C12orf56: variants seen among roughly 807,000 people sequenced by gnomAD.
C12orf56 encodes the protein chromosome 12 open reading frame 56.
Under a neutral mutation model 69.9 loss-of-function variants are expected in C12orf56, and 71 were observed. The observed-to-expected ratio is 1.02, with a 90% confidence interval of 0.84 to 1.24. The LOEUF (loss-of-function observed/expected upper bound fraction) is 1.24. C12orf56 is among the 50% of genes most tolerant of loss of function. The pLI is 0.00. For missense variants in C12orf56, 732 were observed against 738.5 expected (o/e 0.99, Z 0.10); for synonymous variants, 276 against 274.1 (o/e 1.01, Z -0.07).
At chr12:64,336,269 G>C (rs2038995587) in intron 2 of C12orf56, among the ~76,000 whole-genome samples, 1 of 152,204 alleles carries the variant, frequency 6.6e-6, no homozygotes, top group Non-Finnish European at 1.5e-5. Flanking sequence ...CCACGCCCAA[G>C]TGTCAGATGG....
At chr12:64,268,266 C>T (rs2037939254) in intron 12 of C12orf56, among the ~76,000 whole-genome samples, 1 of 152,126 alleles carries the variant, frequency 6.6e-6, no homozygotes, top group South Asian at 2.1e-4. Context: ...CTAAACAGTA[C>T]ATGATGCACC....
rs534466205 is a variant in C12orf56 at position 64,358,186 on chromosome 12, G to A, written c.253-5130C>T. Among the ~76,000 whole-genome samples the A allele has an allele frequency of 5.9e-5, 9 of 152,032 alleles. No individual in the cohort carries two copies. The South Asian group carries it at 1.7e-3, about 28-fold the overall frequency. On this transcript the variant is annotated intron_variant, in intron 1 of 12. Coordinates refer to ENST00000543942, the MANE Select transcript of C12orf56 (RefSeq NM_001170633.2). ...TTAGAAATCATAATCTCGGCTGGGC[G>A]CAGTGGCTCATACCTATAATCCCAA...
chr12:64,319,139 C>G (rs979322595), intron 3 of C12orf56, 159 bp from the exon 4 acceptor site: 4 of 623,432 alleles, frequency 6.4e-6, no homozygotes, highest in African/African-American at 1.8e-5. Flanking sequence ...AACCCATTGA[C>G]TAGAGGAGAT....
intron 1 of C12orf56, among the ~76,000 whole-genome samples, chr12:64,357,458 G>A (rs2039333435): frequency 2.6e-5 from 4 of 151,230 alleles, no homozygotes. Flanking sequence ...TGTAGCCAAG[G>A]CTGGAGTGCA....
At chr12:64,304,801 A>G (rs1416446287) in intron 5 of C12orf56, among the ~76,000 whole-genome samples, 1 of 152,176 alleles carries the variant, frequency 6.6e-6, no homozygotes, top group East Asian at 1.9e-4. Context: ...GGGAATTACT[A>G]ACGCATTTTA....
Position 64,267,277 on chromosome 12 carries a change from T to C in C12orf56, c.1775A>G (p.His592Arg). ...NYREEFRYFI[H>R]MPALQKRLPL... Reference sequence around the variant, plus strand: ...GAGCCTTTTCTGCAAGGCTGGCATGTGAATAAAGTACCTGCAAATCATAAA... The same window carrying C: ...GAGCCTTTTCTGCAAGGCTGGCATGCGAATAAAGTACCTGCAAATCATAAA... Residue 592 changes from histidine to arginine, a missense_variant, in exon 13 of 13, where the codon CAC becomes CGC. His to Arg is a conservative substitution (Grantham distance 29). Coordinates refer to ENST00000543942, the MANE Select transcript of C12orf56 (RefSeq NM_001170633.2). 2 of 1,608,148 alleles carry C rather than the reference T, an allele frequency of 1.2e-6. No homozygotes were observed. The highest frequency in any genetic ancestry group is 2.2e-5 in the East Asian group (1 of 44,830).
At chr12:64,338,763 G>GCTT (rs1424192122) in intron 2 of C12orf56, 2 of 1,418,796 alleles carry the variant, frequency 1.4e-6, no homozygotes, top group African/African-American at 2.8e-5. Context: ...TGCTTTATCT[G>GCTT]CTTTTGCATG....
At chr12:64,271,187 G>A (rs2136742215) in intron 11 of C12orf56, among the ~76,000 whole-genome samples, 1 of 151,014 alleles carries the variant, frequency 6.6e-6, no homozygotes, top group South Asian at 2.1e-4. Flanking sequence ...AAGAGGCCAG[G>A]TCGGGCACTG....
At chr12:64,299,292 G>A (rs1164124984) in intron 6 of C12orf56, among the ~76,000 whole-genome samples, 4 of 152,062 alleles carry the variant, frequency 2.6e-5, no homozygotes, top group Admixed American at 6.6e-5. Context: ...GGGCTGAGAC[G>A]GTGAGGTTTT....
In C12orf56 at chr12:64,361,150, C is replaced by G. The variant is rs371765554; in HGVS notation, c.253-8094G>C. 4.6e-5 allele frequency among the ~76,000 whole-genome samples: 7 copies of G among 152,234 alleles called. No homozygotes were observed. In the East Asian group the frequency reaches 1.2e-3, roughly 25 times the overall value. On this transcript the variant is annotated intron_variant, in intron 1 of 12. Transcript: ENST00000543942. ...AGGAGAATCGCTTGAACCCGGGAGG[C>G]AGAGACTGCAGTGAACTGAGATTGC...
rs548490082 is a variant in C12orf56, at chr12:64,306,670, C to T, written c.969-2891G>A. The stretch of plus-strand genomic sequence containing the variant: ...AGGCGTGAGCCACTACTCCCAGCCG[C>T]AGGAAAGATTCTTAATCTAATAACA... On this transcript the variant is annotated intron_variant, in intron 5 of 12. Coordinates refer to ENST00000543942, the MANE Select transcript of C12orf56 (RefSeq NM_001170633.2). Among the ~76,000 whole-genome samples, 3 of 152,224 alleles carry T rather than the reference C, an allele frequency of 2.0e-5. No individual in the cohort carries two copies. In the South Asian group the frequency reaches 6.2e-4, roughly 32 times the overall value.
At chr12:64,305,900 A>G (rs1006630875) in intron 5 of C12orf56, among the ~76,000 whole-genome samples, 5 of 152,234 alleles carry the variant, frequency 3.3e-5, no homozygotes, top group Non-Finnish European at 7.3e-5. Flanking sequence ...AAGAGCTTAG[A>G]AAAGCAAAAG....
At chr12:64,353,643 A>AT (rs1328538951) in intron 1 of C12orf56, among the ~76,000 whole-genome samples, 2 of 152,136 alleles carry the variant, frequency 1.3e-5, no homozygotes, top group Non-Finnish European at 2.9e-5. Flanking sequence ...TTGTTACAGT[A>AT]TTTGTTAAAG....
chr12:64,371,593 G>A (rs188854225), intron 1 of C12orf56, among the ~76,000 whole-genome samples: 2 of 152,030 alleles, frequency 1.3e-5, no homozygotes, highest in African/African-American at 4.8e-5. Context: ...CACTTTGGGA[G>A]GCCGAGGCAG....
In C12orf56 at chr12:64,270,724, G is replaced by A. The variant is rs780212543; in HGVS notation, c.1585-10C>T. The A allele has an allele frequency of 1.0e-5, 16 of 1,593,622 alleles. No homozygotes were observed. The South Asian group carries it at 1.5e-4, about 15-fold the overall frequency. On this transcript the variant is annotated splice_polypyrimidine_tract_variant and intron_variant, in intron 11 of 12. Coordinates refer to ENST00000543942, the MANE Select transcript of C12orf56 (RefSeq NM_001170633.2). Reference sequence around the variant, plus strand: ...TGGCCACAAAAGTAATCTAGACAAGGAAAATACAGTTACATGTAGGCTGTG... The same window carrying A: ...TGGCCACAAAAGTAATCTAGACAAGAAAAATACAGTTACATGTAGGCTGTG...
chr12:64,373,823 G>A (rs147676411), intron 1 of C12orf56, among the ~76,000 whole-genome samples: 3 of 152,006 alleles, frequency 2.0e-5, no homozygotes, highest in African/African-American at 4.8e-5. Flanking sequence ...TAATCTTCTC[G>A]TTCATGTTCT....
At chr12:64,379,258 T>C (rs1399319265) in intron 1 of C12orf56, among the ~76,000 whole-genome samples, 1 of 152,084 alleles carries the variant, frequency 6.6e-6, no homozygotes, top group South Asian at 2.1e-4. Context: ...CCTGCCTTCA[T>C]GAAGCTTCTT....
rs2037926561 is a variant in C12orf56, at chr12:64,267,099, A to T, written c.*84T>A. ...TCAGAGATAGCCAGATATTAAACAA[A>T]TAAAAAAATGTTTCTCGTGAATATC... is the stretch of plus-strand genomic sequence containing the variant. On this transcript the variant is annotated 3_prime_UTR_variant, in exon 13 of 13. Coordinates refer to ENST00000543942, the MANE Select transcript of C12orf56 (RefSeq NM_001170633.2). The T allele has an allele frequency of 9.5e-7, 1 of 1,047,452 alleles. No homozygotes were observed. 64.9% of individuals were successfully genotyped at this position (1,047,452 alleles called of 1,614,324 possible).
chr12:64,274,726 T>C (rs1384636804), intron 11 of C12orf56, among the ~76,000 whole-genome samples, 175 bp downstream of exon 11: 2 of 152,228 alleles, frequency 1.3e-5, no homozygotes, highest in African/African-American at 4.8e-5. Flanking sequence ...AACATTCAGG[T>C]CCAAAATGTA....
Sources: allele counts gnomAD v4.1 joint callset (sites outside exome capture counted in the v4.1 genomes callset), GRCh38; gene constraint gnomAD v4.1.1; transcripts MANE v1.5; gene names NCBI Gene and HGNC (gene_info 2026-07-23, HGNC 2026-07-21).